NAXD: variants seen among roughly 807,000 people sequenced by gnomAD.
The protein encoded by NAXD is NAD(P)HX dehydratase.
A neutral mutation model predicts 35.8 loss-of-function variants in NAXD; 22 were observed. The ratio of observed to expected loss-of-function variants is 0.62; its 90% CI spans 0.44 to 0.88. NAXD has a LOEUF of 0.88. Among genes scored for constraint, NAXD ranks in the 40% least tolerant of loss-of-function variants. The probability of loss-of-function intolerance (pLI) is 0.00; values close to 1 mark genes in which losing one functional copy is unlikely to be tolerated. For synonymous variants in NAXD, 189 were observed against 177.6 expected (o/e 1.06, Z -0.51); for missense variants, 428 against 437.7 (o/e 0.98, Z 0.20).
chr13:110,625,154 C>T (rs778806946), intron 3 of NAXD, 36 bp from the exon 4 acceptor site: 9 of 1,527,792 alleles, frequency 5.9e-6, no homozygotes, highest in East Asian at 2.3e-5. Context: ...GATGCCGGAG[C>T]GATCCCTGAG....
rs141591089 is a variant in NAXD, at chr13:110,622,229, G to A, written c.60G>A (p.Ala20=). ...CTTGTCTTTCAGTTTTAGAAAGAGC[G>A]TTTTCGCTACGTAAAGCACATTCGA... ...IRACRRVLER[A]FSLRKAHSIK... is the part of the protein sequence containing the mutation. Residue 20 remains alanine, a synonymous_variant, in exon 2 of 10, where the codon GCG becomes GCA. Transcript: ENST00000680254. The A allele has an allele frequency of 7.7e-4, 1,245 of 1,612,772 alleles. 7 individuals carry two copies. Among genetic ancestry groups the A allele is most frequent in the Middle Eastern group, 5.8e-3 (35 of 6,056 alleles).
intron 5 of NAXD, among the ~76,000 whole-genome samples, chr13:110,630,215 G>C (rs151240983): frequency 6.6e-6 from 1 of 152,008 alleles, no homozygotes; most frequent in East Asian, 1.9e-4. Context: ...TTTTAGTAGA[G>C]ATGGGGTTTC....
intron 5 of NAXD, among the ~76,000 whole-genome samples, chr13:110,629,100 C>A (rs773420594): frequency 5.5e-4 from 84 of 152,268 alleles, no homozygotes; most frequent in African/African-American, 2.0e-3. Flanking sequence ...GCTTCCAGCT[C>A]GTGTCTGGTG....
At chr13:110,635,733 C>A in intron 8 of NAXD, 145 bp downstream of exon 8, 1 of 962,392 alleles carries the variant, frequency 1.0e-6, no homozygotes, top group Non-Finnish European at 1.5e-6. Flanking sequence ...TCGTCAACCA[C>A]ACTTTCTTCA....
intron 1 of NAXD, chr13:110,615,957 G>A: frequency 2.2e-6 from 1 of 448,476 alleles, no homozygotes; most frequent in Non-Finnish European, 3.7e-6. Context: ...CGTGCGGGGT[G>A]ACAGAGGGGC....
chr13:110,626,968 GC>G (rs1456786475), intron 4 of NAXD, among the ~76,000 whole-genome samples: 1 of 152,244 alleles, frequency 6.6e-6, no homozygotes, highest in African/African-American at 2.4e-5. Context: ...AAACAAACGG[GC>G]TAACTTTAGA....
In NAXD at chr13:110,628,722, G is replaced by A. The variant is rs2139642240; in HGVS notation, c.441+1175G>A. 6.6e-6 allele frequency among the ~76,000 whole-genome samples: 1 copy of A among 152,184 alleles called. No homozygotes were observed. The highest frequency in any genetic ancestry group is 1.5e-5 in the Non-Finnish European group (1 of 68,004). On this transcript the variant is annotated intron_variant, in intron 5 of 9. Transcript: ENST00000680254. This position sits in a 1 kb window ranked among gnomAD's most constrained non-coding sequence, Gnocchi z 4.1. ...GAGGAGGTGGCCATGTTTAGGAGCA[G>A]TAGAACCCTCTGTCATCCCCGGGGA... is the stretch of plus-strand genomic sequence containing the variant.
At chr13:110,616,122 C>T (rs888950991) in intron 1 of NAXD, 3 of 287,264 alleles carry the variant, frequency 1.0e-5, no homozygotes, top group Non-Finnish European at 1.9e-5. Context: ...TCTGTCCCCG[C>T]TCCCGGTCTG....
intron 1 of NAXD, chr13:110,616,131 T>G (rs1275425102): frequency 3.7e-6 from 1 of 266,824 alleles, no homozygotes; most frequent in Non-Finnish European, 7.0e-6. Flanking sequence ...GCTCCCGGTC[T>G]GGGAAAGATG....
chr13:110,634,427 G>A (rs889314708), intron 5 of NAXD, 118 bp from the exon 6 acceptor site: 5 of 1,014,318 alleles, frequency 4.9e-6, no homozygotes, highest in Non-Finnish European at 7.7e-6. Context: ...ACCTTTTAAA[G>A]GCCCCACCTC....
Position 110,615,547 on chromosome 13 carries a change from T to C in NAXD, c.-55T>C. The C allele has an allele frequency of 1.5e-6, 2 of 1,335,440 alleles. No individual in the cohort carries two copies. Among genetic ancestry groups the C allele is most frequent in the Non-Finnish European group, 1.9e-6 (2 of 1,042,610 alleles). The allele number at this position is 1,335,440 out of a possible 1,614,324, so 82.7% of individuals were successfully genotyped here. On this transcript the variant is annotated 5_prime_UTR_variant, in exon 1 of 10. It removes an upstream start codon present in the reference 5' UTR. Transcript: ENST00000680254. ...TCGGGAAACCGGAAAACGCTTCCAATGGCTGTGTTTCCGGCGACGGCGCGG... is the reference window on the plus strand; with the variant it reads ...TCGGGAAACCGGAAAACGCTTCCAACGGCTGTGTTTCCGGCGACGGCGCGG...
intron 1 of NAXD, 167 bp downstream of exon 1, chr13:110,615,814 G>C: frequency 7.7e-7 from 1 of 1,292,036 alleles, no homozygotes; most frequent in Non-Finnish European, 9.8e-7. Context: ...TCGCGGGGGG[G>C]AAGCGCCGCC....
At chr13:110,636,296 CTG>C (rs1453449445) in intron 8 of NAXD, among the ~76,000 whole-genome samples, 1 of 152,274 alleles carries the variant, frequency 6.6e-6, no homozygotes, top group Non-Finnish European at 1.5e-5. Flanking sequence ...GGGTAGAACA[CTG>C]AGGCGTCTGT....
chr13:110,624,229 T>C lies in NAXD; in HGVS notation c.198-5T>C. On this transcript the variant is annotated splice_polypyrimidine_tract_variant and splice_region_variant and intron_variant, in intron 2 of 9. Coordinates refer to ENST00000680254, the MANE Select transcript of NAXD (RefSeq NM_001242882.2). The stretch of plus-strand genomic sequence containing the variant: ...AGTTTTTGACTCTAAATACCTTCTT[T>C]TTAGGTACACTGGAGCCCCATATTT... 5.6e-6 allele frequency: 9 copies of C among 1,600,018 alleles called. No homozygotes were observed. Among genetic ancestry groups the C allele is most frequent in the Non-Finnish European group, 7.7e-6 (9 of 1,168,722 alleles).
chr13:110,616,591 G>T (rs924450179), intron 1 of NAXD, among the ~76,000 whole-genome samples: 5 of 152,200 alleles, frequency 3.3e-5, no homozygotes, highest in Non-Finnish European at 7.3e-5. Context: ...ATTTAAACAG[G>T]AGCTGAGCAA....
At chr13:110,625,576 C>A (rs760095551) in intron 4 of NAXD, among the ~76,000 whole-genome samples, 20 of 152,182 alleles carry the variant, frequency 1.3e-4, no homozygotes, top group African/African-American at 4.8e-4. Flanking sequence ...AAGGTGGAAA[C>A]GAAGGGCCTC....
At chr13:110,620,122 G>C (rs931788234) in intron 1 of NAXD, among the ~76,000 whole-genome samples, 3 of 152,186 alleles carry the variant, frequency 2.0e-5, no homozygotes, top group African/African-American at 7.2e-5. Flanking sequence ...TTCTAGACAA[G>C]TGTATTGTTT....
At position 110,621,555 on chromosome 13, in the gene NAXD, G is replaced by A. The variant is rs568329737; in HGVS notation, c.47-661G>A. Among the ~76,000 whole-genome samples, 4 of 152,140 alleles carry A rather than the reference G, an allele frequency of 2.6e-5. No homozygotes were observed. The South Asian group carries it at 8.3e-4, about 32-fold the overall frequency. ...TACTAAGAATACAAAAATTAGCAGG[G>A]CAGGGTGGCAGGTGCCTGTAATCCC... is the stretch of plus-strand genomic sequence containing the variant. On this transcript the variant is annotated intron_variant, in intron 1 of 9. Coordinates refer to ENST00000680254, the MANE Select transcript of NAXD (RefSeq NM_001242882.2).
chr13:110,625,198 C>A lies in NAXD; in HGVS notation c.252C>A (p.Asp84Glu). The A allele has an allele frequency of 6.2e-7, 1 of 1,613,578 alleles. No homozygotes were observed. ...TTGTGCTCCTTCATCAGGGCGCAGA[C>A]TTGTCCCACGTGTTCTGTGCCAGTG... ...AAISALKVGA[D>E]LSHVFCASAA... is the part of the protein sequence containing the mutation. The change falls in exon 4 of 10, where the codon GAC (aspartate) becomes GAA (glutamate). Residue 84 changes from aspartate (D) to glutamate (E), a missense_variant. Asp to Glu is a conservative substitution (Grantham distance 45, BLOSUM62 2). Around this residue, in one of 3 missense-constraint regions of NAXD, gnomAD observed 208 missense variants for 193.0 expected, o/e 1.08. Transcript: ENST00000680254.
Sources: gnomAD v4.1 joint callset for allele counts (sites outside exome capture counted in the v4.1 genomes callset) on GRCh38, gnomAD v4.1.1 for gene constraint, gnomAD v4.1.1 regional missense constraint, Gnocchi (gnomAD v3.1) non-coding constraint, MANE v1.5 for transcripts, NCBI Gene and HGNC (gene_info 2026-07-23, HGNC 2026-07-21) for gene names.